Variants in KCNIP4 observed in about 807,000 individuals in gnomAD.
KCNIP4 encodes the protein potassium voltage-gated channel interacting protein 4.
KCNIP4 carries 12 observed loss-of-function variants against 34.0 expected under a neutral mutation model. That is an observed-to-expected ratio of 0.35 (90% confidence interval 0.23 to 0.57). KCNIP4 has a LOEUF of 0.57. KCNIP4 is among the 20% of genes least tolerant of loss of function. The pLI, the probability that KCNIP4 is intolerant of heterozygous loss-of-function variation, is 0.83. For synonymous variants in KCNIP4, 124 were observed against 102.2 expected, an observed-to-expected ratio of 1.21 and a Z score of -1.29; for missense variants, 238 against 311.7, an observed-to-expected ratio of 0.76 and a Z score of 1.78.
intron 1 of KCNIP4, among the ~76,000 whole-genome samples, chr4:21,684,207 G>A (rs981602610): frequency 2.6e-5 from 4 of 152,106 alleles, no homozygotes; most frequent in African/African-American, 7.2e-5. Context: ...GAAATAAAAG[G>A]AAGCAGCATG....
chr4:21,744,629 G>A (rs945642813), intron 1 of KCNIP4, among the ~76,000 whole-genome samples: 2 of 152,126 alleles, frequency 1.3e-5, no homozygotes, highest in African/African-American at 4.8e-5. Flanking sequence ...GGCCATCCAG[G>A]AGCCTCTGGG....
intron 1 of KCNIP4, among the ~76,000 whole-genome samples, chr4:21,159,195 T>C (rs1360006637): frequency 1.3e-5 from 2 of 152,146 alleles, no homozygotes; most frequent in Non-Finnish European, 2.9e-5. Flanking sequence ...GGAATAACAG[T>C]GCCAGAATTC....
At chr4:20,752,764 A>C (rs1393964575) in intron 4 of KCNIP4, 2 of 152,244 alleles carry the variant, frequency 1.3e-5, no homozygotes, top group African/African-American at 4.8e-5. Flanking sequence ...AGAAAGAAGC[A>C]AAGGCAAAGG....
chr4:20,943,445 G>T (rs1020140126), intron 1 of KCNIP4, among the ~76,000 whole-genome samples: 1 of 152,136 alleles, frequency 6.6e-6, no homozygotes, highest in Non-Finnish European at 1.5e-5. Context: ...TCAAATCCTT[G>T]CTCTGCAATT....
intron 1 of KCNIP4, among the ~76,000 whole-genome samples, chr4:20,914,174 G>A (rs920573724): frequency 6.6e-6 from 1 of 151,348 alleles, no homozygotes; most frequent in East Asian, 1.9e-4. Flanking sequence ...AAAAAAAAAA[G>A]AAAAGAAACA....
chr4:21,066,468 A>C (rs576767566), intron 1 of KCNIP4, among the ~76,000 whole-genome samples: 1 of 152,266 alleles, frequency 6.6e-6, no homozygotes, highest in African/African-American at 2.4e-5. Flanking sequence ...GGCACTGAAG[A>C]GGGTAGAAAA....
chr4:21,353,398 G>T lies in KCNIP4; in HGVS notation c.62-470689C>A, dbSNP rs1037316522. 2.0e-5 allele frequency among the ~76,000 whole-genome samples: 3 copies of T among 152,132 alleles called. No homozygotes were observed. The East Asian group carries it at 5.8e-4, about 29-fold the overall frequency. ...CCATTGCAAGGAAGGTAAAAACCTT[G>T]AAAAAAGGTTAGATGAATGGCTAAC... On this transcript the variant is annotated intron_variant, in intron 1 of 8. Coordinates refer to ENST00000382152, the MANE Select transcript of KCNIP4 (RefSeq NM_025221.6).
chr4:20,904,675 T>G (rs1162999697), intron 1 of KCNIP4, among the ~76,000 whole-genome samples: 1 of 152,196 alleles, frequency 6.6e-6, no homozygotes, highest in Non-Finnish European at 1.5e-5. Context: ...AAGCCTTAAC[T>G]GTTTTTTTCT....
In KCNIP4 at chr4:21,606,663, G is replaced by A. The variant is rs138643992; in HGVS notation, c.61+341908C>T. On this transcript the variant is annotated intron_variant, in intron 1 of 8. Transcript: ENST00000382152. Reference sequence around the variant, plus strand: ...GGCTGGAGTGCAATGGCACCATTTCGGCTCACTGCAACCTCTGCCTCCCGG... The same window carrying A: ...GGCTGGAGTGCAATGGCACCATTTCAGCTCACTGCAACCTCTGCCTCCCGG... Among the ~76,000 whole-genome samples the A allele has an allele frequency of 9.1e-3, 1,378 of 152,010 alleles. 20 individuals are homozygous for A. The highest frequency in any genetic ancestry group is 0.03 in the African/African-American group (1,253 of 41,424).
chr4:21,888,642 C>G (rs1300143315), intron 1 of KCNIP4, among the ~76,000 whole-genome samples: 1 of 152,084 alleles, frequency 6.6e-6, no homozygotes, highest in Non-Finnish European at 1.5e-5. Flanking sequence ...ATACCCTCCC[C>G]TTTGTTAATT....
chr4:21,616,192 T>A (rs1387878908), intron 1 of KCNIP4, among the ~76,000 whole-genome samples: 2 of 152,168 alleles, frequency 1.3e-5, no homozygotes, highest in Admixed American at 6.5e-5. Context: ...GGGTCTCCCA[T>A]TCCCTGAAGT....
At chr4:21,230,184 T>C (rs1358627625) in intron 1 of KCNIP4, among the ~76,000 whole-genome samples, 1 of 151,976 alleles carries the variant, frequency 6.6e-6, no homozygotes, top group Non-Finnish European at 1.5e-5. Context: ...GATGCAGCTA[T>C]CAGCCAAGAA....
At chr4:21,132,935 C>T (rs1241361831) in intron 1 of KCNIP4, among the ~76,000 whole-genome samples, 2 of 151,064 alleles carry the variant, frequency 1.3e-5, no homozygotes, top group Non-Finnish European at 2.9e-5. Context: ...ATTGCTTGAA[C>T]CCAGGAGGCA....
intron 1 of KCNIP4, among the ~76,000 whole-genome samples, chr4:21,831,921 C>G (rs769365486): frequency 1.4e-3 from 212 of 152,070 alleles, no homozygotes; most frequent in Middle Eastern, 6.8e-3. Context: ...ACTAGCAAAC[C>G]AAATTCAATG....
At chr4:20,832,442 A>C (rs1718537116) in intron 3 of KCNIP4, among the ~76,000 whole-genome samples, 1 of 152,128 alleles carries the variant, frequency 6.6e-6, no homozygotes, top group South Asian at 2.1e-4. Context: ...TTAAAGACAA[A>C]CTGTGGTGCC....
At chr4:21,119,960 C>A (rs958811949) in intron 1 of KCNIP4, among the ~76,000 whole-genome samples, 3 of 152,072 alleles carry the variant, frequency 2.0e-5, no homozygotes, top group African/African-American at 7.2e-5. Flanking sequence ...AACCAGGGAG[C>A]CAGAACGGGA....
intron 1 of KCNIP4, among the ~76,000 whole-genome samples, chr4:21,911,438 C>T (rs1462182530): frequency 1.3e-5 from 2 of 151,530 alleles, no homozygotes; most frequent in African/African-American, 4.9e-5. Flanking sequence ...AATGAAACCA[C>T]CTGAGCTTTA....
At chr4:20,885,228 T>C (rs1159028091) in intron 1 of KCNIP4, among the ~76,000 whole-genome samples, 2 of 152,080 alleles carry the variant, frequency 1.3e-5, no homozygotes, top group African/African-American at 4.8e-5. Context: ...GAGAGGAGCG[T>C]GAATTCTGCT....
intron 1 of KCNIP4, among the ~76,000 whole-genome samples, chr4:21,772,966 G>A (rs1034648691): frequency 1.9e-4 from 29 of 151,812 alleles, no homozygotes; most frequent in African/African-American, 6.5e-4. Flanking sequence ...GTAGCTTTTG[G>A]ATTAGTTTGC....
Sources: gnomAD v4.1 joint callset for allele counts (sites outside exome capture counted in the v4.1 genomes callset) on GRCh38, gnomAD v4.1.1 for gene constraint, MANE v1.5 for transcripts, NCBI Gene and HGNC (gene_info 2026-07-23, HGNC 2026-07-21) for gene names.